GBP2: variants seen among roughly 807,000 people sequenced by gnomAD.
GBP2 encodes the protein guanylate-binding protein 2.
A neutral mutation model predicts 60.8 loss-of-function variants in GBP2; 54 were observed. The ratio of observed to expected loss-of-function variants is 0.89; its 90% CI spans 0.71 to 1.11. The LOEUF is 1.11. GBP2 is among the 50% of genes most tolerant of loss of function. GBP2 has a pLI of 0.00. For synonymous variants in GBP2, 243 were observed against 256.5 expected, an observed-to-expected ratio of 0.95 and a Z score of 0.50; for missense variants, 665 against 703.3, an observed-to-expected ratio of 0.95 and a Z score of 0.62.
rs375815325 is a variant in GBP2 at position 89,120,707 on chromosome 1, T to C, written c.319-419A>G. Reference sequence around the variant, plus strand: ...TATAACAGTAGTAATATATTATCCTTAATGAGCAAAGATGTTATCATTAGA... The same window carrying C: ...TATAACAGTAGTAATATATTATCCTCAATGAGCAAAGATGTTATCATTAGA... On this transcript the variant is annotated intron_variant, in intron 3 of 10. Coordinates refer to ENST00000370466, the MANE Select transcript of GBP2 (RefSeq NM_004120.5). Among the ~76,000 whole-genome samples the C allele has an allele frequency of 3.7e-4, 56 of 152,342 alleles. 6 individuals are homozygous for C. The highest frequency in any genetic ancestry group is 9.1e-4 in the Admixed American group (14 of 15,308).
Position 89,108,249 on chromosome 1 carries a change from T to C in GBP2, c.1702A>G (p.Lys568Glu), listed in dbSNP as rs372582194. 3.7e-6 allele frequency: 6 copies of C among 1,613,612 alleles called. No homozygotes were observed. Among genetic ancestry groups the C allele is most frequent in the Non-Finnish European group, 5.1e-6 (6 of 1,179,744 alleles). Reference protein sequence around the residue: ...LLKEGFENESKRLQKDIWDIQ... With the variant: ...LLKEGFENESERLQKDIWDIQ... ...TCCCATATGTCTTTTTGAAGTCTCT[T>C]GCTCTCATTCTCGAATCCCTCCTTG... The change falls in exon 11 of 11, where the codon AAG becomes GAG. Residue 568 changes from lysine (K) to glutamate (E), a missense_variant. Physicochemically the swap from Lys to Glu is moderately conservative, Grantham distance 56. Coordinates refer to ENST00000370466, the MANE Select transcript of GBP2 (RefSeq NM_004120.5).
Position 89,120,161 on chromosome 1 carries a change from G to C in GBP2, c.428+18C>G, listed in dbSNP as rs2274660. ...ATTTTCTAGGTTTACTGCTGTTCTG[G>C]ACCACAAAAAAGGATACTGAAGTTG... On this transcript the variant is annotated intron_variant, in intron 4 of 10. Coordinates refer to ENST00000370466, the MANE Select transcript of GBP2 (RefSeq NM_004120.5). The C allele has an allele frequency of 6.3e-7, 1 of 1,581,454 alleles. No homozygotes were observed. The highest frequency in any genetic ancestry group is 2.2e-5 in the East Asian group (1 of 44,720).
At chr1:89,125,825 C>T (rs1206594382) in intron 1 of GBP2, 38 bp downstream of exon 1, 1 of 152,150 alleles carries the variant, frequency 6.6e-6, no homozygotes, top group Non-Finnish European at 1.5e-5. Context: ...AACTGATGAA[C>T]CCTGGTAAAT....
At chr1:89,116,823 T>A (rs1247153174) in intron 6 of GBP2, among the ~76,000 whole-genome samples, 169 bp downstream of exon 6, 1 of 152,164 alleles carries the variant, frequency 6.6e-6, no homozygotes. Context: ...GATGATACTA[T>A]AGCTTTAGTT....
rs749738138 is a variant in GBP2 at position 89,116,991 on chromosome 1, C to CG, written c.868dup (p.Arg290ProfsTer45). ...GGAAGTGGGTAGAGAGAGTGACTCA[C>CG]GAGGCCCATTGACTGGAATGCCACC... On this transcript the variant is annotated frameshift_variant and splice_region_variant. Coordinates refer to ENST00000370466, the MANE Select transcript of GBP2 (RefSeq NM_004120.5). LOFTEE classifies it high-confidence loss of function. 18 of 1,613,780 alleles carry CG rather than the reference C, an allele frequency of 1.1e-5. No individual in the cohort carries two copies. The highest frequency in any genetic ancestry group is 1.5e-5 in the Non-Finnish European group (18 of 1,179,766).
At position 89,112,578 on chromosome 1, in the gene GBP2, T is replaced by A; in HGVS notation, c.1256A>T (p.Asp419Val). Residue 419 changes from aspartate to valine, a missense_variant, in exon 8 of 11, where the codon GAT becomes GTT. Asp to Val is a radical substitution (Grantham distance 152, BLOSUM62 -3). Coordinates refer to ENST00000370466, the MANE Select transcript of GBP2 (RefSeq NM_004120.5). Reference protein sequence around the residue: ...LQDIFGPLEEDVKQGTFSKPG... With the variant: ...LQDIFGPLEEVVKQGTFSKPG... ...TTTAGAAAATGTTCCCTGCTTGACATCTTCTTCTAAAGGGCCAAATATATC... is the reference window on the plus strand; with the variant it reads ...TTTAGAAAATGTTCCCTGCTTGACAACTTCTTCTAAAGGGCCAAATATATC... 3.1e-6 allele frequency: 5 copies of A among 1,614,144 alleles called. No homozygotes were observed. Among genetic ancestry groups the A allele is most frequent in the Non-Finnish European group, 4.2e-6 (5 of 1,179,998 alleles).
chr1:89,114,931 G>A (rs1681239156), intron 6 of GBP2, among the ~76,000 whole-genome samples: 1 of 152,080 alleles, frequency 6.6e-6, no homozygotes, highest in African/African-American at 2.4e-5. Context: ...ATGGATGGCT[G>A]GTGTATTTTG....
chr1:89,117,169 T>G lies in GBP2; in HGVS notation c.691A>C (p.Arg231=), dbSNP rs140113988. ...GGCCAATCGAAGACGAAGCACTTCC[T>G]CTTGGGGAAGAACTTTCGGATGCAC... The part of the protein sequence containing the change: ...RLCIRKFFPK[R]KCFVFDWPAP... Residue 231 remains arginine, a synonymous_variant, in exon 6 of 11, where the codon AGG becomes CGG. Coordinates refer to ENST00000370466, the MANE Select transcript of GBP2 (RefSeq NM_004120.5). The G allele has an allele frequency of 6.2e-7, 1 of 1,614,158 alleles. No homozygotes were observed. The highest frequency in any genetic ancestry group is 8.5e-7 in the Non-Finnish European group (1 of 1,179,986).
rs1681091768 is a variant in GBP2 at position 89,108,195 on chromosome 1, G to A, written c.1756C>T (p.Pro586Ser). Residue 586 changes from proline (P) to serine (S), a missense_variant, in exon 11 of 11, where the codon CCA becomes TCA. Transcript: ENST00000370466. ...GACTTTTAGAGTATGTTACATATTG[G>A]CTCCAATGATTTGCTTCTCATCTGG... ...DIQMRSKSLE[P>S]ICNIL The A allele has an allele frequency of 2.5e-6, 4 of 1,609,102 alleles. No homozygotes were observed. In the East Asian group the frequency reaches 6.7e-5, roughly 27 times the overall value.
At chr1:89,113,010 G>A in intron 7 of GBP2, 1 of 313,972 alleles carries the variant, frequency 3.2e-6, no homozygotes, top group South Asian at 3.2e-5. Flanking sequence ...CACAAACACT[G>A]GAGTCAGGCA....
chr1:89,118,042 G>T, intron 4 of GBP2: 1 of 259,246 alleles, frequency 3.9e-6, no homozygotes, highest in Non-Finnish European at 7.2e-6. Flanking sequence ...ACAATGAACA[G>T]GTAAACAAAA....
Position 89,117,643 on chromosome 1 carries a change from G to A in GBP2, c.559C>T (p.Leu187=), listed in dbSNP as rs1681305907. The part of the protein sequence containing the change: ...VWTLRDFTLE[L]EVDGEPITAD... ...GTGATGGGTTCTCCATCTACTTCCA[G>A]TTCCAGGGTGAAATCTCTGAGAGTC... The change falls in exon 5 of 11, where the codon CTG becomes TTG. Residue 187 remains leucine (L), a synonymous_variant. Coordinates refer to ENST00000370466, the MANE Select transcript of GBP2 (RefSeq NM_004120.5). 2 of 1,614,096 alleles carry A rather than the reference G, an allele frequency of 1.2e-6. No homozygotes were observed. Among genetic ancestry groups the A allele is most frequent in the Non-Finnish European group, 1.7e-6 (2 of 1,179,976 alleles).
At chr1:89,113,098 T>G in intron 7 of GBP2, 1 of 210,260 alleles carries the variant, frequency 4.8e-6, no homozygotes, top group Non-Finnish European at 9.6e-6. Context: ...TCCTTGTCTG[T>G]GCAGCAGAGG....
chr1:89,119,585 A>G (rs187539982), intron 4 of GBP2: 15 of 152,300 alleles, frequency 9.8e-5, no homozygotes, highest in Admixed American at 8.5e-4. Flanking sequence ...GGATGTATTT[A>G]TTGGAACGTT....
intron 2 of GBP2, 135 bp from the exon 3 acceptor site, chr1:89,121,405 G>GTTTCCAGGATT: frequency 1.3e-6 from 1 of 749,856 alleles, no homozygotes; most frequent in Non-Finnish European, 2.0e-6. Flanking sequence ...TTACAATCCT[G>GTTTCCAGGATT]GAAACAGGAA....
At chr1:89,124,012 A>G (rs1681462964) in intron 1 of GBP2, among the ~76,000 whole-genome samples, 3 of 152,258 alleles carry the variant, frequency 2.0e-5, no homozygotes, top group Admixed American at 2.0e-4. Context: ...CAAAAAGATC[A>G]CATCACTTAG....
At chr1:89,108,396 A>T in intron 10 of GBP2, 105 bp from the exon 11 acceptor site, 3 of 645,794 alleles carry the variant, frequency 4.6e-6, no homozygotes, top group South Asian at 2.0e-5. Context: ...TTTGACTATC[A>T]CTCTCTTCTG....
rs746739891 is a variant in GBP2, at chr1:89,117,735, G to C, written c.467C>G (p.Ser156Cys). ...TELTDRIKAN[S>C]SPGNNSVDDS... Reference sequence around the variant, plus strand: ...GTCTACAGAATTGTTACCAGGTGAGGAGTTTGCCTTGATTCGATCTGTCAG... The same window carrying C: ...GTCTACAGAATTGTTACCAGGTGAGCAGTTTGCCTTGATTCGATCTGTCAG... The change falls in exon 5 of 11, where the codon TCC (serine) becomes TGC (cysteine). Residue 156 changes from serine to cysteine, a missense_variant. Physicochemically the swap from Ser to Cys is moderately radical, Grantham distance 112 (BLOSUM62 -1). Coordinates refer to ENST00000370466, the MANE Select transcript of GBP2 (RefSeq NM_004120.5). 1 of 1,613,828 alleles carries C rather than the reference G, an allele frequency of 6.2e-7. No individual in the cohort carries two copies. Among genetic ancestry groups the C allele is most frequent in the Non-Finnish European group, 8.5e-7 (1 of 1,179,900 alleles).
At position 89,121,206 on chromosome 1, in the gene GBP2, A is replaced by G. The variant is rs1469395339; in HGVS notation, c.255T>C (p.His85=). ...CTAGGGTGTGTTCTGGCTTCTTGGGATGAGGCACACACCACATCCAGATTC... is the reference window on the plus strand; with the variant it reads ...CTAGGGTGTGTTCTGGCTTCTTGGGGTGAGGCACACACCACATCCAGATTC... ...TKGIWMWCVP[H]PKKPEHTLVL... is the part of the protein sequence containing the mutation. The change falls in exon 3 of 11, where the codon CAT becomes CAC. Residue 85 remains histidine (H), a synonymous_variant. Coordinates refer to ENST00000370466, the MANE Select transcript of GBP2 (RefSeq NM_004120.5). The G allele has an allele frequency of 6.8e-6, 11 of 1,612,896 alleles. No homozygotes were observed. Among genetic ancestry groups the G allele is most frequent in the African/African-American group, 1.3e-5 (1 of 74,928 alleles).
Sources: allele counts gnomAD v4.1 joint callset (sites outside exome capture counted in the v4.1 genomes callset), GRCh38; gene constraint gnomAD v4.1.1; transcripts MANE v1.5; gene names NCBI Gene and HGNC (gene_info 2026-07-23, HGNC 2026-07-21).